PPP1R9A: variants seen among roughly 807,000 people sequenced by gnomAD.
PPP1R9A encodes protein phosphatase 1 regulatory subunit 9A.
In PPP1R9A, 59 loss-of-function variants were observed where a neutral mutation model predicts 141.9. The ratio of observed to expected loss-of-function variants is 0.42; its 90% CI spans 0.34 to 0.52. The LOEUF is 0.52. PPP1R9A is among the 20% of genes least tolerant of loss of function. PPP1R9A has a pLI of 0.10. For synonymous variants in PPP1R9A, 500 were observed against 569.7 expected (o/e 0.88, Z 1.74); for missense variants, 1,444 against 1,611.9 (o/e 0.90, Z 1.78).
chr7:95,032,347 A>C (rs554790809), intron 2 of PPP1R9A, among the ~76,000 whole-genome samples: 2 of 152,168 alleles, frequency 1.3e-5, no homozygotes, highest in Admixed American at 6.5e-5. Flanking sequence ...TTGTGTTTTT[A>C]CTAAGACATA....
At chr7:94,916,897 C>T (rs1792142093) in intron 2 of PPP1R9A, among the ~76,000 whole-genome samples, 1 of 152,120 alleles carries the variant, frequency 6.6e-6, no homozygotes, top group Non-Finnish European at 1.5e-5. Context: ...TCACTGAAAC[C>T]TCCACCTCCT....
intron 8 of PPP1R9A, among the ~76,000 whole-genome samples, chr7:95,244,690 G>A (rs1332734637): frequency 6.6e-6 from 1 of 152,142 alleles, no homozygotes; most frequent in Non-Finnish European, 1.5e-5. Flanking sequence ...TTGAATCAGA[G>A]GTGTTCATTT....
intron 8 of PPP1R9A, among the ~76,000 whole-genome samples, chr7:95,228,435 G>A (rs1280348219): frequency 6.6e-6 from 1 of 152,134 alleles, no homozygotes; most frequent in Non-Finnish European, 1.5e-5. Flanking sequence ...AAGTTGGCTA[G>A]CCCTTTTATT....
At chr7:95,268,764 C>A (rs1259926152) in intron 13 of PPP1R9A, 57 bp downstream of exon 13, 1 of 1,569,128 alleles carries the variant, frequency 6.4e-7, no homozygotes, top group African/African-American at 1.4e-5. Flanking sequence ...ATTGTTCCTA[C>A]AGCTTATTGA....
At chr7:95,164,335 C>T (rs1830866941) in intron 5 of PPP1R9A, among the ~76,000 whole-genome samples, 1 of 152,160 alleles carries the variant, frequency 6.6e-6, no homozygotes, top group African/African-American at 2.4e-5. Flanking sequence ...ATATTTACAA[C>T]TGGTAATGAA....
chr7:95,279,577 A>T (rs1413068961), intron 16 of PPP1R9A, among the ~76,000 whole-genome samples: 2 of 152,194 alleles, frequency 1.3e-5, no homozygotes, highest in Non-Finnish European at 2.9e-5. Flanking sequence ...AAGCCTGACA[A>T]ACTTACATTC....
intron 2 of PPP1R9A, among the ~76,000 whole-genome samples, chr7:95,078,732 G>A (rs1815274831): frequency 6.6e-6 from 1 of 151,718 alleles, no homozygotes; most frequent in African/African-American, 2.4e-5. Context: ...GATGGCCAGT[G>A]ATGGTGAGCA....
intron 2 of PPP1R9A, among the ~76,000 whole-genome samples, chr7:95,078,577 A>G (rs1815244447): frequency 6.6e-6 from 1 of 152,272 alleles, no homozygotes; most frequent in Admixed American, 6.5e-5. Context: ...CAAGGGTTGA[A>G]CTAGTTTACA....
At chr7:95,123,637 A>G (rs141256336) in intron 4 of PPP1R9A, among the ~76,000 whole-genome samples, 341 of 152,330 alleles carry the variant, frequency 2.2e-3, no homozygotes, top group African/African-American at 8.0e-3. Context: ...GGACAGAATG[A>G]GACTCAGTCT....
intron 2 of PPP1R9A, among the ~76,000 whole-genome samples, chr7:95,059,439 C>T (rs1368705535): frequency 3.3e-5 from 5 of 152,098 alleles, no homozygotes; most frequent in African/African-American, 4.8e-5. Flanking sequence ...TTTACGGAGG[C>T]TAACCATACA....
At chr7:95,255,687 C>G (rs1369785108) in intron 12 of PPP1R9A, among the ~76,000 whole-genome samples, 1 of 151,926 alleles carries the variant, frequency 6.6e-6, no homozygotes, top group Non-Finnish European at 1.5e-5. Context: ...ATTTAAGGCA[C>G]TATGTAAGCA....
At chr7:95,154,494 T>C (rs1209652008) in intron 4 of PPP1R9A, among the ~76,000 whole-genome samples, 1 of 152,302 alleles carries the variant, frequency 6.6e-6, no homozygotes, top group South Asian at 2.1e-4. Flanking sequence ...AATTAAAATC[T>C]TTCTAAGCTG....
In PPP1R9A at chr7:95,290,288, T is replaced by C; in HGVS notation, c.4110T>C (p.Gly1370=). ...AGATGACGTCAACTACAGCCGAGGG[T>C]GCTGGTGAGCAGTAACACATACCCT... ...TEKMTSTTAE[G]AGEQ is the part of the protein sequence containing the mutation. The change falls in exon 20 of 20, where the codon GGT becomes GGC. Residue 1370 remains glycine, a synonymous_variant. Coordinates refer to ENST00000433360, the MANE Select transcript of PPP1R9A (RefSeq NM_001166160.2). 6.2e-7 allele frequency: 1 copy of C among 1,610,384 alleles called. No individual in the cohort carries two copies. Among genetic ancestry groups the C allele is most frequent in the Non-Finnish European group, 8.5e-7 (1 of 1,178,218 alleles).
At chr7:95,223,450 A>G (rs929039976) in intron 7 of PPP1R9A, among the ~76,000 whole-genome samples, 2 of 151,948 alleles carry the variant, frequency 1.3e-5, no homozygotes, top group Non-Finnish European at 2.9e-5. Flanking sequence ...ACCACAGTTC[A>G]TTTTCTTGAT....
At chr7:95,053,126 C>T (rs1207097590) in intron 2 of PPP1R9A, among the ~76,000 whole-genome samples, 1 of 152,152 alleles carries the variant, frequency 6.6e-6, no homozygotes, top group African/African-American at 2.4e-5. Flanking sequence ...TTCCCTCCAT[C>T]CTCACTCAGG....
chr7:95,069,176 A>G (rs1048032447), intron 2 of PPP1R9A, among the ~76,000 whole-genome samples: 1 of 152,172 alleles, frequency 6.6e-6, no homozygotes, highest in Non-Finnish European at 1.5e-5. Context: ...ATGGATATGA[A>G]GGGCTGTCTA....
intron 2 of PPP1R9A, among the ~76,000 whole-genome samples, chr7:95,033,008 T>A (rs559521303): frequency 6.6e-6 from 1 of 151,978 alleles, no homozygotes; most frequent in African/African-American, 2.4e-5. Flanking sequence ...TTTAATTTTT[T>A]AATTTTTTTA....
intron 2 of PPP1R9A, among the ~76,000 whole-genome samples, chr7:95,007,002 A>G (rs1343592667): frequency 1.3e-5 from 2 of 152,106 alleles, no homozygotes; most frequent in African/African-American, 4.8e-5. Flanking sequence ...AGCTAGGACT[A>G]CAGGAGCACG....
chr7:94,916,752 G>T (rs923324088), intron 2 of PPP1R9A, among the ~76,000 whole-genome samples: 1 of 152,108 alleles, frequency 6.6e-6, no homozygotes, highest in Non-Finnish European at 1.5e-5. Flanking sequence ...TATAAGAATG[G>T]TCATATGATT....
Sources: gnomAD v4.1 joint callset for allele counts (sites outside exome capture counted in the v4.1 genomes callset) on GRCh38, gnomAD v4.1.1 for gene constraint, MANE v1.5 for transcripts, NCBI Gene and HGNC (gene_info 2026-07-23, HGNC 2026-07-21) for gene names.